PCYT1A: variants seen among roughly 807,000 people sequenced by gnomAD.
PCYT1A encodes phosphate cytidylyltransferase 1A, choline.
A neutral mutation model predicts 43.7 loss-of-function variants in PCYT1A; 25 were observed. The ratio of observed to expected loss-of-function variants is 0.57; its 90% CI spans 0.42 to 0.80. PCYT1A has a LOEUF of 0.80. PCYT1A is among the 30% of genes least tolerant of loss of function. The pLI, the probability that PCYT1A is intolerant of heterozygous loss-of-function variation, is 0.00. For synonymous variants in PCYT1A, 172 were observed against 170.7 expected, an observed-to-expected ratio of 1.01 and a Z score of -0.06; for missense variants, 421 against 474.2, an observed-to-expected ratio of 0.89 and a Z score of 1.04.
At position 196,268,929 on chromosome 3, in the gene PCYT1A, G is replaced by T. The variant is rs74867048; in HGVS notation, c.117+1486C>A. On this transcript the variant is annotated intron_variant, in intron 2 of 8. Coordinates refer to ENST00000431016, the MANE Select transcript of PCYT1A (RefSeq NM_001312673.2). This position sits in a 1 kb window ranked among gnomAD's most constrained non-coding sequence, Gnocchi z 4.4. ...CAAGAGTCCTTGTAAGTGAAAAGGG[G>T]AAGTAGGAGGTTCAGAATCAGAGCA... Among the ~76,000 whole-genome samples the T allele has an allele frequency of 6.6e-6, 1 of 152,352 alleles. No individual in the cohort carries two copies. The highest frequency in any genetic ancestry group is 1.9e-4 in the East Asian group (1 of 5,188).
intron 5 of PCYT1A, among the ~76,000 whole-genome samples, chr3:196,243,651 A>G (rs1188638819): frequency 1.3e-5 from 2 of 152,178 alleles, no homozygotes; most frequent in Non-Finnish European, 2.9e-5. Context: ...CTCCTGCCTC[A>G]GCCTGCCCAG....
intron 3 of PCYT1A, among the ~76,000 whole-genome samples, chr3:196,249,556 T>C (rs1724683344): frequency 6.6e-6 from 1 of 152,172 alleles, no homozygotes; most frequent in Non-Finnish European, 1.5e-5. Context: ...AGGAAATGAT[T>C]TCCCGGGGAA....
rs1294929636 is a variant in PCYT1A at position 196,235,185 on chromosome 3, G to A, written c.*3503C>T. ...ATAGTCAAAATAATCCAGGAAGGGG[G>A]AATGACGCCCTATGAACCACTGTGG... On this transcript the variant is annotated 3_prime_UTR_variant, in exon 9 of 9. Coordinates refer to ENST00000431016, the MANE Select transcript of PCYT1A (RefSeq NM_001312673.2). This position sits in a 1 kb window ranked among gnomAD's most constrained non-coding sequence, Gnocchi z 4.3. 2 of 152,162 alleles carry A rather than the reference G, an allele frequency of 1.3e-5. No homozygotes were observed. The highest frequency in any genetic ancestry group is 4.8e-5 in the African/African-American group (2 of 41,432). The allele number at this position is 152,162 out of a possible 1,614,324, so 9.4% of individuals were successfully genotyped here. A position where few individuals can be genotyped will look rare whatever the true frequency, so the allele number is the denominator to read the frequency against.
Position 196,235,004 on chromosome 3 carries a change from A to T in PCYT1A, c.*3684T>A, listed in dbSNP as rs1244537033. 1 of 152,244 alleles carries T rather than the reference A, an allele frequency of 6.6e-6. No individual in the cohort carries two copies. The highest frequency in any genetic ancestry group is 1.5e-5 in the Non-Finnish European group (1 of 68,048). 9.4% of individuals were successfully genotyped at this position (152,244 alleles called of 1,614,324 possible). A position where few individuals can be genotyped will look rare whatever the true frequency, so the allele number is the denominator to read the frequency against. On this transcript the variant is annotated 3_prime_UTR_variant, in exon 9 of 9. Coordinates refer to ENST00000431016, the MANE Select transcript of PCYT1A (RefSeq NM_001312673.2). This position sits in a 1 kb window ranked among gnomAD's most constrained non-coding sequence, Gnocchi z 4.3. ...TTCTTTTTCTACCTGTATTGGTTCA[A>T]CTTCTGGTGAGAATGTGTGCTGATA...
rs1203948739 is a variant in PCYT1A, at chr3:196,238,850, G to A, written c.942C>T (p.Ile314=). 6.5e-7 allele frequency: 1 copy of A among 1,533,260 alleles called. No individual in the cohort carries two copies. Among genetic ancestry groups the A allele is most frequent in the East Asian group, 2.5e-5 (1 of 40,612 alleles). 95.0% of individuals were successfully genotyped at this position (1,533,260 alleles called of 1,614,324 possible). A position where few individuals can be genotyped will look rare whatever the true frequency, so the allele number is the denominator to read the frequency against. ...KEGKGRMLQA[I]SPKQSPSSSP... is the part of the protein sequence containing the mutation. ...TGCTGCTGGGGCTCTGCTTCGGGCT[G>A]ATGGCCTGCAGCATCCGGCCCTTCC... The change falls in exon 9 of 9, where the codon ATC becomes ATT. Residue 314 remains isoleucine (I), a synonymous_variant. Coordinates refer to ENST00000431016, the MANE Select transcript of PCYT1A (RefSeq NM_001312673.2).
At chr3:196,276,609 T>C (rs1407171435) in intron 1 of PCYT1A, among the ~76,000 whole-genome samples, 1 of 111,114 alleles carries the variant, frequency 9.0e-6, no homozygotes, top group Non-Finnish European at 1.9e-5. Flanking sequence ...TCTCAAAAAA[T>C]GAAAAAAAAA....
Position 196,258,680 on chromosome 3 carries a change from C to T in PCYT1A, c.118-793G>A, listed in dbSNP as rs1003985578. The stretch of plus-strand genomic sequence containing the variant: ...TCAGCTCACTGCAACCTCCAACTCC[C>T]CGACTCAAGTGATCCTCCCACCTCA... On this transcript the variant is annotated intron_variant, in intron 2 of 8. Transcript: ENST00000431016. 5.3e-5 allele frequency among the ~76,000 whole-genome samples: 8 copies of T among 152,068 alleles called. 1 individual carries two copies. In the South Asian group the frequency reaches 1.5e-3, roughly 28 times the overall value.
At chr3:196,246,386 GCAGGAA>G (rs1724570659) in intron 5 of PCYT1A, among the ~76,000 whole-genome samples, 1 of 151,400 alleles carries the variant, frequency 6.6e-6, no homozygotes, top group Non-Finnish European at 1.5e-5. Flanking sequence ...CCCACCTTTT[GCAGGAA>G]ACCTGTGGCT....
At chr3:196,270,607 T>G (rs1577372034) in intron 1 of PCYT1A, 66 bp from the exon 2 acceptor site, 4 of 1,000,016 alleles carry the variant, frequency 4.0e-6, no homozygotes, top group East Asian at 4.7e-5. Flanking sequence ...CACCAGTATT[T>G]CAGAGACGTT....
Position 196,236,375 on chromosome 3 carries a change from G to C in PCYT1A, c.*2313C>G, listed in dbSNP as rs529743355. The C allele has an allele frequency of 6.6e-6, 1 of 152,408 alleles. No individual in the cohort carries two copies. Among genetic ancestry groups the C allele is most frequent in the African/African-American group, 2.4e-5 (1 of 41,580 alleles). The allele number at this position is 152,408 out of a possible 1,614,324, so 9.4% of individuals were successfully genotyped here. A position where few individuals can be genotyped will look rare whatever the true frequency, so the allele number is the denominator to read the frequency against. ...CAGAAACAGGCAGCATTCCCAAAGAGAGAAGGCTGACGCAGAAAAGTTCAA... is the reference window on the plus strand; with the variant it reads ...CAGAAACAGGCAGCATTCCCAAAGACAGAAGGCTGACGCAGAAAAGTTCAA... On this transcript the variant is annotated 3_prime_UTR_variant, in exon 9 of 9. Coordinates refer to ENST00000431016, the MANE Select transcript of PCYT1A (RefSeq NM_001312673.2).
intron 1 of PCYT1A, among the ~76,000 whole-genome samples, chr3:196,287,025 T>C (rs535612527): frequency 1.2e-4 from 19 of 152,350 alleles, no homozygotes; most frequent in East Asian, 5.8e-4. Flanking sequence ...AAACTTCCCA[T>C]TCACTGATGA....
rs555620249 is a variant in PCYT1A at position 196,273,732 on chromosome 3, A to C, written c.-10-3191T>G. Among the ~76,000 whole-genome samples, 1 of 152,242 alleles carries C rather than the reference A, an allele frequency of 6.6e-6. No homozygotes were observed. The highest frequency in any genetic ancestry group is 2.1e-4 in the South Asian group (1 of 4,830). On this transcript the variant is annotated intron_variant, in intron 1 of 8. Transcript: ENST00000431016. The surrounding 1 kb of genome is among the most constrained non-coding windows in gnomAD (Gnocchi z 4.1). ...GTTTCTACGGGCTTCAGCGGGCAGG[A>C]AGTGCATGCTGATTGGTCCATGGGC...
Position 196,282,484 on chromosome 3 carries a change from T to C in PCYT1A, c.-11+5131A>G, listed in dbSNP as rs1577379180. On this transcript the variant is annotated intron_variant, in intron 1 of 8. Transcript: ENST00000431016. The surrounding 1 kb of genome is among the most constrained non-coding windows in gnomAD (Gnocchi z 4.3). Reference sequence around the variant, plus strand: ...AAAAAGACTGTATCTTTATTTTCACTTCAGTGATGAACATAAGCTACAGCA... The same window carrying C: ...AAAAAGACTGTATCTTTATTTTCACCTCAGTGATGAACATAAGCTACAGCA... Among the ~76,000 whole-genome samples, 2 of 152,334 alleles carry C rather than the reference T, an allele frequency of 1.3e-5. No individual in the cohort carries two copies. The highest frequency in any genetic ancestry group is 4.1e-4 in the South Asian group (2 of 4,828).
Position 196,242,072 on chromosome 3 carries a change from T to C in PCYT1A, c.584A>G (p.Gln195Arg), listed in dbSNP as rs187437949. Residue 195 changes from glutamine (Q) to arginine (R), a missense_variant, in exon 7 of 9, where the codon CAG (glutamine) becomes CGG (arginine). This residue lies in a region of PCYT1A where 174 missense variants were observed against 270.7 expected (regional missense o/e 0.64). Transcript: ENST00000431016. The surrounding 1 kb of genome is among the most constrained non-coding windows in gnomAD (Gnocchi z 4.2). Reference protein sequence around the residue: ...IKEAGMFAPTQRTEGISTSDI... With the variant: ...IKEAGMFAPTRRTEGISTSDI... ...TGATGTGGAGATACCTTCTGTCCTC[T>C]GTGTTGGAGCAAACATGCCTAACTC... 1.9e-6 allele frequency: 3 copies of C among 1,614,122 alleles called. No homozygotes were observed. Among genetic ancestry groups the C allele is most frequent in the East Asian group, 2.2e-5 (1 of 44,892 alleles).
In PCYT1A at chr3:196,248,295, A is replaced by G. The variant is rs1422778013; in HGVS notation, c.246T>C (p.Asp82=). The G allele has an allele frequency of 6.2e-7, 1 of 1,612,020 alleles. No homozygotes were observed. The highest frequency in any genetic ancestry group is 1.1e-5 in the South Asian group (1 of 91,024). ...PCERPVRVYA[D]GIFDLFHSGH... ...CAGAGTGAAATAAGTCAAATATTCC[A>G]TCGGCATAAACTCTCACAGGTCGCT... Residue 82 remains aspartate (D), a synonymous_variant, in exon 4 of 9, where the codon GAT becomes GAC. Transcript: ENST00000431016.
intron 5 of PCYT1A, among the ~76,000 whole-genome samples, chr3:196,244,506 C>T (rs1314575243): frequency 8.4e-5 from 12 of 143,038 alleles, no homozygotes; most frequent in Admixed American, 6.3e-4. Flanking sequence ...CCACCCCGTC[C>T]GGGAGGTGAG....
At chr3:196,245,410 G>A (rs1724530775) in intron 5 of PCYT1A, among the ~76,000 whole-genome samples, 4 of 152,180 alleles carry the variant, frequency 2.6e-5, no homozygotes, top group Admixed American at 2.6e-4. Context: ...AAAGTGCTGG[G>A]ATTACAGGCG....
chr3:196,260,340 G>A (rs751530742), intron 2 of PCYT1A, among the ~76,000 whole-genome samples: 11 of 152,116 alleles, frequency 7.2e-5, no homozygotes, highest in Non-Finnish European at 1.2e-4. Context: ...TATCAACCAG[G>A]ATGGCTATGA....
At position 196,252,104 on chromosome 3, in the gene PCYT1A, A is replaced by ACTACAGCGCACCCCGCCACGCCCCACTGG. The variant is rs1724817307; in HGVS notation, c.218-3810_218-3782dup. 7.3e-5 allele frequency among the ~76,000 whole-genome samples: 11 copies of ACTACAGCGCACCCCGCCACGCCCCACTGG among 150,162 alleles called. No individual in the cohort carries two copies. Among genetic ancestry groups the ACTACAGCGCACCCCGCCACGCCCCACTGG allele is most frequent in the Admixed American group, 6.0e-4 (9 of 15,116 alleles). ...CAGCGCACCCCGCCACGCCCCGCAGACTACAGCGCACCCCGCCACGCCCCA... is the reference window on the plus strand; with the variant it reads ...CAGCGCACCCCGCCACGCCCCGCAGACTACAGCGCACCCCGCCACGCCCCACTGGCTACAGCGCACCCCGCCACGCCCCA... On this transcript the variant is annotated intron_variant, in intron 3 of 8. Transcript: ENST00000431016. The surrounding 1 kb of genome is among the most constrained non-coding windows in gnomAD (Gnocchi z 4.0).
Sources: gnomAD v4.1 joint callset for allele counts (sites outside exome capture counted in the v4.1 genomes callset) on GRCh38, gnomAD v4.1.1 for gene constraint, gnomAD v4.1.1 regional missense constraint, Gnocchi (gnomAD v3.1) non-coding constraint, MANE v1.5 for transcripts, NCBI Gene and HGNC (gene_info 2026-07-23, HGNC 2026-07-21) for gene names.